Variants in SERPINC1 observed in about 807,000 individuals in gnomAD.
The protein encoded by SERPINC1 is serpin family C member 1, also known as antithrombin-III.
SERPINC1 carries 12 observed loss-of-function variants against 43.4 expected under a neutral mutation model. The ratio of observed to expected loss-of-function variants is 0.28; its 90% CI spans 0.18 to 0.45. The LOEUF is 0.45. Ranked by LOEUF, SERPINC1 falls within the 20% of genes least tolerant of loss-of-function variation. The pLI is 1.00. For missense variants in SERPINC1, 423 were observed against 578.8 expected, an observed-to-expected ratio of 0.73 and a Z score of 2.76; for synonymous variants, 210 against 218.9, an observed-to-expected ratio of 0.96 and a Z score of 0.36.
At chr1:173,911,380 T>C (rs1227480708) in intron 3 of SERPINC1, among the ~76,000 whole-genome samples, 2 of 152,242 alleles carry the variant, frequency 1.3e-5, no homozygotes, top group Non-Finnish European at 2.9e-5. Flanking sequence ...GATTTCTTTG[T>C]TGCAGAGTTT....
At chr1:173,907,201 C>T (rs778832739) in intron 6 of SERPINC1, among the ~76,000 whole-genome samples, 2 of 152,048 alleles carry the variant, frequency 1.3e-5, no homozygotes, top group African/African-American at 4.8e-5. Flanking sequence ...TTCTTGATGG[C>T]CTTTGCTGGC....
At chr1:173,906,074 T>A (rs1657494383) in intron 6 of SERPINC1, among the ~76,000 whole-genome samples, 1 of 152,172 alleles carries the variant, frequency 6.6e-6, no homozygotes, top group African/African-American at 2.4e-5. Context: ...GGAACATCTC[T>A]ACCATTGTCC....
intron 1 of SERPINC1, among the ~76,000 whole-genome samples, chr1:173,916,838 A>G (rs1243034794): frequency 6.6e-6 from 1 of 152,116 alleles, no homozygotes; most frequent in African/African-American, 2.4e-5. Context: ...GAGTGGAAGA[A>G]AGAGCAAAAA....
At chr1:173,913,962 C>T (rs1018606073) in intron 2 of SERPINC1, among the ~76,000 whole-genome samples, 1 of 152,034 alleles carries the variant, frequency 6.6e-6, no homozygotes, top group Non-Finnish European at 1.5e-5. Flanking sequence ...CCTGTAATCC[C>T]ATCTACTCAG....
chr1:173,915,534 G>C (rs1572092484), intron 1 of SERPINC1, among the ~76,000 whole-genome samples: 1 of 152,066 alleles, frequency 6.6e-6, no homozygotes, highest in Non-Finnish European at 1.5e-5. Flanking sequence ...AAATTAGCTG[G>C]GTGTGGTGGC....
chr1:173,911,683 C>T, intron 3 of SERPINC1, 116 bp downstream of exon 3: 1 of 843,918 alleles, frequency 1.2e-6, no homozygotes, highest in Non-Finnish European at 2.0e-6. Flanking sequence ...TTTTAGTCAG[C>T]CCTCCAGCAG....
At chr1:173,916,344 G>A (rs966011252) in intron 1 of SERPINC1, among the ~76,000 whole-genome samples, 6 of 152,168 alleles carry the variant, frequency 3.9e-5, no homozygotes, top group Admixed American at 6.6e-5. Context: ...GCAGATTCAC[G>A]GACGTGGTCC....
intron 1 of SERPINC1, among the ~76,000 whole-genome samples, chr1:173,915,505 G>A (rs1657949977): frequency 6.6e-6 from 1 of 152,104 alleles, no homozygotes; most frequent in Non-Finnish European, 1.5e-5. Context: ...GTGAAACCCT[G>A]TCTCTACTAA....
In SERPINC1 at chr1:173,914,851, A is replaced by G; in HGVS notation, c.110T>C (p.Val37Ala). 6.2e-7 allele frequency: 1 copy of G among 1,614,234 alleles called. No individual in the cohort carries two copies. The highest frequency in any genetic ancestry group is 8.5e-7 in the Non-Finnish European group (1 of 1,180,048). The change falls in exon 2 of 7, where the codon GTG becomes GCG. Residue 37 changes from valine to alanine, a missense_variant. Physicochemically the swap from Val to Ala is moderately conservative, Grantham distance 64. Transcript: ENST00000367698. ...WDCVTCHGSP[V>A]DICTAKPRDI... ...CCGCGGCTTGGCTGTGCAGATGTCC[A>G]CAGGGCTCCCGTGACAGGTCACGCA... is the stretch of plus-strand genomic sequence containing the variant.
intron 6 of SERPINC1, among the ~76,000 whole-genome samples, chr1:173,904,735 C>T (rs958935340): frequency 1.3e-5 from 2 of 152,074 alleles, no homozygotes; most frequent in African/African-American, 2.4e-5. Context: ...TTGATGATGT[C>T]TTCTCCTTCC....
chr1:173,916,321 A>G (rs987528674), intron 1 of SERPINC1, among the ~76,000 whole-genome samples: 2 of 152,202 alleles, frequency 1.3e-5, no homozygotes, highest in African/African-American at 4.8e-5. Context: ...GGAGAGAAAG[A>G]CAGGCACCCA....
At chr1:173,912,805 C>T (rs763828322) in intron 2 of SERPINC1, among the ~76,000 whole-genome samples, 9 of 152,028 alleles carry the variant, frequency 5.9e-5, no homozygotes, top group Non-Finnish European at 1.0e-4. Context: ...AGGGGAGGAC[C>T]AAAGGAACAT....
chr1:173,904,194 G>C (rs1317602912), intron 6 of SERPINC1, 129 bp from the exon 7 acceptor site: 2 of 844,470 alleles, frequency 2.4e-6, no homozygotes, highest in Non-Finnish European at 3.9e-6. Flanking sequence ...TTTGGGTCAG[G>C]TTGGATTCCC....
In SERPINC1 at chr1:173,910,919, C is replaced by A. The variant is rs773688316; in HGVS notation, c.625-28G>T. On this transcript the variant is annotated intron_variant, in intron 3 of 6. Coordinates refer to ENST00000367698, the MANE Select transcript of SERPINC1 (RefSeq NM_000488.4). Reference sequence around the variant, plus strand: ...GAGGAGAACAGAAAATAAACCTACTCACCTGTGCTATTCAATTGGCTTCTC... The same window carrying A: ...GAGGAGAACAGAAAATAAACCTACTAACCTGTGCTATTCAATTGGCTTCTC... 1.2e-5 allele frequency: 19 copies of A among 1,613,712 alleles called. No homozygotes were observed. In the Admixed American group the frequency reaches 3.2e-4, roughly 27 times the overall value.
intron 2 of SERPINC1, among the ~76,000 whole-genome samples, chr1:173,914,032 T>C (rs1657883089): frequency 6.6e-6 from 1 of 151,102 alleles, no homozygotes. Context: ...GAGCCGAGAC[T>C]GCACCACTGC....
rs1572089542 is a variant in SERPINC1, at chr1:173,910,837, C to T, written c.679G>A (p.Glu227Lys). The change falls in exon 4 of 7, where the codon GAA becomes AAA. Residue 227 changes from glutamate to lysine, a missense_variant. Physicochemically the swap from Glu to Lys is moderately conservative, Grantham distance 56. Transcript: ENST00000367698. ...AINKWVSNKT[E>K]GRITDVIPSE... ...GGAATGACATCGGTGATTCGGCCTT[C>T]GGTCTTATTGGACACCCATTTGTTG... 17 of 1,613,970 alleles carry T rather than the reference C, an allele frequency of 1.1e-5. No individual in the cohort carries two copies. The highest frequency in any genetic ancestry group is 1.7e-5 in the Admixed American group (1 of 59,984).
chr1:173,910,004 A>T, intron 4 of SERPINC1, 62 bp from the exon 5 acceptor site: 1 of 1,500,808 alleles, frequency 6.7e-7, no homozygotes. Context: ...TTGACACAAG[A>T]CATATCCATA....
At chr1:173,904,511 C>T (rs1287381847) in intron 6 of SERPINC1, among the ~76,000 whole-genome samples, 1 of 152,174 alleles carries the variant, frequency 6.6e-6, no homozygotes, top group Non-Finnish European at 1.5e-5. Context: ...GGACCTAGGG[C>T]CTATGAAAAG....
intron 2 of SERPINC1, among the ~76,000 whole-genome samples, chr1:173,913,854 C>CAA (rs71707849): frequency 2.4e-3 from 214 of 90,254 alleles, no homozygotes; most frequent in African/African-American, 6.8e-3. Flanking sequence ...GACTCCGTCT[C>CAA]AAAAAAAAAA....
Sources: allele counts gnomAD v4.1 joint callset (sites outside exome capture counted in the v4.1 genomes callset), GRCh38; gene constraint gnomAD v4.1.1; transcripts MANE v1.5; gene names NCBI Gene and HGNC (gene_info 2026-07-23, HGNC 2026-07-21).